The following UBE2G2 variants were observed in gnomAD, a reference collection of about 807,000 sequenced individuals.
The protein encoded by UBE2G2 is ubiquitin-conjugating enzyme E2 G2.
UBE2G2 carries 10 observed loss-of-function variants against 23.0 expected under a neutral mutation model. That is an observed-to-expected ratio of 0.43 (90% CI 0.27 to 0.74). UBE2G2 has a LOEUF of 0.74. UBE2G2 is among the 30% of genes least tolerant of loss of function. The probability of loss-of-function intolerance (pLI) is 0.19; values close to 1 mark genes in which losing one functional copy is unlikely to be tolerated. For synonymous variants in UBE2G2, 86 were observed against 81.3 expected (o/e 1.06, Z -0.31); for missense variants, 150 against 218.3 (o/e 0.69, Z 1.97).
intron 3 of UBE2G2, among the ~76,000 whole-genome samples, chr21:44,782,571 A>G (rs1187935931): frequency 6.6e-6 from 1 of 152,286 alleles, no homozygotes; most frequent in Non-Finnish European, 1.5e-5. Context: ...AAGACAGTGT[A>G]GTAATGGCCT....
chr21:44,794,439 T>A (rs2083069622), intron 1 of UBE2G2, among the ~76,000 whole-genome samples: 1 of 152,240 alleles, frequency 6.6e-6, no homozygotes, highest in Non-Finnish European at 1.5e-5. Flanking sequence ...TGCCACCTGA[T>A]GTTTGGCAGT....
intron 1 of UBE2G2, among the ~76,000 whole-genome samples, chr21:44,797,544 G>T (rs900985369): frequency 4.6e-5 from 7 of 151,648 alleles, no homozygotes; most frequent in Non-Finnish European, 8.8e-5. Context: ...GTGAAACCCC[G>T]TCTCTACTAA....
intron 1 of UBE2G2, chr21:44,801,302 C>T (rs1160187178): frequency 9.7e-7 from 1 of 1,026,132 alleles, no homozygotes; most frequent in African/African-American, 1.7e-5. Context: ...GCTCCACCAA[C>T]GAGCCTTTCC....
rs8131092 is a variant in UBE2G2, at chr21:44,771,129, A to G, written c.*248T>C. Reference sequence around the variant, plus strand: ...GAGAGGTAGTGCTGACAGCTCTGATAATCTACCTGAAGCCCTTTGTGAGGA... The same window carrying G: ...GAGAGGTAGTGCTGACAGCTCTGATGATCTACCTGAAGCCCTTTGTGAGGA... On this transcript the variant is annotated 3_prime_UTR_variant, in exon 6 of 6. Coordinates refer to ENST00000345496, the MANE Select transcript of UBE2G2 (RefSeq NM_003343.6). The surrounding 1 kb of genome is among the most constrained non-coding windows in gnomAD (Gnocchi z 4.6). The G allele has an allele frequency of 8.5e-3, 4,014 of 470,266 alleles. 139 individuals carry two copies. Among genetic ancestry groups the G allele is most frequent in the African/African-American group, 0.073 (3,698 of 50,574 alleles). 29.1% of individuals were successfully genotyped at this position (470,266 alleles called of 1,614,324 possible). A position where few individuals can be genotyped will look rare whatever the true frequency, so the allele number is the denominator to read the frequency against.
At chr21:44,792,946 C>A (rs2083056961) in intron 1 of UBE2G2, among the ~76,000 whole-genome samples, 1 of 152,198 alleles carries the variant, frequency 6.6e-6, no homozygotes, top group Non-Finnish European at 1.5e-5. Flanking sequence ...TGGGTGGGAA[C>A]TGAATGTGAA....
intron 3 of UBE2G2, among the ~76,000 whole-genome samples, chr21:44,782,099 A>AATAT (rs2082961886): frequency 6.6e-6 from 1 of 152,224 alleles, no homozygotes; most frequent in African/African-American, 2.4e-5. Flanking sequence ...AATGTTGGAA[A>AATAT]ATATTCAAAT....
chr21:44,785,781 T>G (rs1477636643), intron 3 of UBE2G2: 1 of 152,224 alleles, frequency 6.6e-6, no homozygotes, highest in Non-Finnish European at 1.5e-5. Context: ...GGCCTCTTGT[T>G]TGTGAAGGGT....
intron 1 of UBE2G2, among the ~76,000 whole-genome samples, chr21:44,790,026 A>AT (rs1555962740): frequency 6.6e-6 from 1 of 152,152 alleles, no homozygotes; most frequent in African/African-American, 2.4e-5. Flanking sequence ...GGTCTTTGGT[A>AT]TTTTTTTACA....
At chr21:44,777,239 T>C in intron 4 of UBE2G2, 60 bp downstream of exon 4, 1 of 1,384,140 alleles carries the variant, frequency 7.2e-7, no homozygotes, top group African/African-American at 1.4e-5. Flanking sequence ...TTCAGGTGGC[T>C]GATAATATTA....
At chr21:44,776,617 T>TCA (rs1555960611) in intron 4 of UBE2G2, among the ~76,000 whole-genome samples, 1 of 152,204 alleles carries the variant, frequency 6.6e-6, no homozygotes, top group African/African-American at 2.4e-5. Flanking sequence ...TTCCCACATG[T>TCA]CATGGGAGGG....
chr21:44,800,269 T>C (rs1468671563), intron 1 of UBE2G2: 1 of 152,258 alleles, frequency 6.6e-6, no homozygotes, highest in Non-Finnish European at 1.5e-5. Flanking sequence ...TGTGCCTTTA[T>C]GTTCTGCTTT....
chr21:44,774,730 C>A (rs1319316707), intron 4 of UBE2G2: 1 of 456,180 alleles, frequency 2.2e-6, no homozygotes, highest in Non-Finnish European at 4.4e-6. Flanking sequence ...CCCTGGACAT[C>A]AGGCTGTCCA....
chr21:44,786,917 C>A (rs1388623387), intron 3 of UBE2G2, among the ~76,000 whole-genome samples: 1 of 152,074 alleles, frequency 6.6e-6, no homozygotes, highest in Non-Finnish European at 1.5e-5. Context: ...CATGGGGAAA[C>A]CCTGTCTCTA....
chr21:44,773,872 C>T, intron 4 of UBE2G2, 185 bp from the exon 5 acceptor site: 1 of 759,216 alleles, frequency 1.3e-6, no homozygotes, highest in African/African-American at 1.8e-5. Context: ...CCCGGTGGGG[C>T]CTGCTCACTC....
rs1189683637 is a variant in UBE2G2, at chr21:44,772,490, C to T, written c.386-1001G>A. The stretch of plus-strand genomic sequence containing the variant: ...TCGGACTTGCCGCCTTCCTTTCCCA[C>T]ACCCTTCCTCCTGACTGCCCTGGAA... On this transcript the variant is annotated intron_variant, in intron 5 of 5. Coordinates refer to ENST00000345496, the MANE Select transcript of UBE2G2 (RefSeq NM_003343.6). This position sits in a 1 kb window ranked among gnomAD's most constrained non-coding sequence, Gnocchi z 5.4. Among the ~76,000 whole-genome samples the T allele has an allele frequency of 6.6e-6, 1 of 152,098 alleles. No homozygotes were observed. The highest frequency in any genetic ancestry group is 1.5e-5 in the Non-Finnish European group (1 of 68,002).
At chr21:44,793,995 T>C (rs1333251101) in intron 1 of UBE2G2, among the ~76,000 whole-genome samples, 1 of 152,014 alleles carries the variant, frequency 6.6e-6, no homozygotes, top group Admixed American at 6.6e-5. Context: ...CTTCAGGACA[T>C]ATTACATGAA....
intron 4 of UBE2G2, 44 bp downstream of exon 4, chr21:44,777,255 G>A (rs368495684): frequency 2.0e-5 from 30 of 1,510,194 alleles, no homozygotes; most frequent in Admixed American, 8.4e-5. Context: ...TATTATCTCC[G>A]TACCTATCCT....
rs374589958 is a variant in UBE2G2 at position 44,785,973 on chromosome 21, G to C, written c.125+1947C>G. 1.4e-4 allele frequency among the ~76,000 whole-genome samples: 21 copies of C among 152,302 alleles called. No individual in the cohort carries two copies. In the East Asian group the frequency reaches 1.9e-3, roughly 14 times the overall value. ...CACTGTTTATTTAAAATTGGTAATA[G>C]TTACCCTAATCGATTTTTAACAATG... is the stretch of plus-strand genomic sequence containing the variant. On this transcript the variant is annotated intron_variant, in intron 3 of 5. Coordinates refer to ENST00000345496, the MANE Select transcript of UBE2G2 (RefSeq NM_003343.6).
At chr21:44,788,307 T>A (rs2083015677) in intron 1 of UBE2G2, among the ~76,000 whole-genome samples, 1 of 150,924 alleles carries the variant, frequency 6.6e-6, no homozygotes, top group South Asian at 2.1e-4. Context: ...TGTTTTTTTT[T>A]GAGACGGAGT....
Sources: gnomAD v4.1 joint callset for allele counts (sites outside exome capture counted in the v4.1 genomes callset) on GRCh38, gnomAD v4.1.1 for gene constraint, Gnocchi (gnomAD v3.1) non-coding constraint, MANE v1.5 for transcripts, NCBI Gene and HGNC (gene_info 2026-07-23, HGNC 2026-07-21) for gene names.